Variants in SEL1L observed in about 807,000 individuals in gnomAD.
SEL1L encodes protein sel-1 homolog 1.
Under a neutral mutation model 109.8 loss-of-function variants are expected in SEL1L, and 52 were observed. The observed-to-expected ratio is 0.47, with a 90% CI of 0.38 to 0.60. The LOEUF is 0.60. SEL1L is among the 20% of genes least tolerant of loss of function. SEL1L has a pLI of 0.00. For synonymous variants in SEL1L, 373 were observed against 339.6 expected, an observed-to-expected ratio of 1.10 and a Z score of -1.08; for missense variants, 749 against 962.2, an observed-to-expected ratio of 0.78 and a Z score of 2.93.
chr14:81,484,263 G>T lies in SEL1L; in HGVS notation c.2008C>A (p.Leu670Met). The T allele has an allele frequency of 1.2e-6, 2 of 1,613,922 alleles. No homozygotes were observed. The highest frequency in any genetic ancestry group is 1.7e-6 in the Non-Finnish European group (2 of 1,179,848). Reference protein sequence around the residue: ...QQHSAQAMFNLGYMHEKGLGI... With the variant: ...QQHSAQAMFNMGYMHEKGLGI... ...AGTCCTTTCTCATGCATATATCCCA[G>T]ATTAAACATAGCTTGTGCACTGTGT... Residue 670 changes from leucine (L) to methionine (M), a missense_variant, in exon 19 of 21, where the codon CTG becomes ATG. Transcript: ENST00000336735.
At chr14:81,479,795 T>C in intron 19 of SEL1L, 55 bp from the exon 20 acceptor site, 1 of 1,497,060 alleles carries the variant, frequency 6.7e-7, no homozygotes. Flanking sequence ...AGTAAAAATA[T>C]TTAGTGAACA....
intron 16 of SEL1L, among the ~76,000 whole-genome samples, chr14:81,487,107 A>G (rs950151059): frequency 2.6e-5 from 4 of 151,734 alleles, no homozygotes; most frequent in African/African-American, 7.3e-5. Context: ...CTCAGCTTAT[A>G]TATTTTTTTG....
intron 17 of SEL1L, 44 bp downstream of exon 17, chr14:81,486,245 A>G (rs1363983627): frequency 6.3e-7 from 1 of 1,592,492 alleles, no homozygotes; most frequent in East Asian, 2.2e-5. Flanking sequence ...ACTGGTGTGA[A>G]CTCGTACATT....
intron 7 of SEL1L, 25 bp downstream of exon 7, chr14:81,499,584 T>C (rs376375153): frequency 1.6e-5 from 25 of 1,609,522 alleles, no homozygotes; most frequent in Non-Finnish European, 1.7e-5. Context: ...AATTGTAATA[T>C]GCAATAAAGT....
intron 3 of SEL1L, among the ~76,000 whole-genome samples, chr14:81,507,785 C>T (rs1281238645): frequency 6.6e-6 from 1 of 152,006 alleles, no homozygotes; most frequent in Middle Eastern, 3.2e-3. Context: ...AAACTGTACA[C>T]AGTAGGTATG....
chr14:81,488,593 G>T (rs1883417557), intron 14 of SEL1L, among the ~76,000 whole-genome samples: 1 of 152,064 alleles, frequency 6.6e-6, no homozygotes, highest in Non-Finnish European at 1.5e-5. Context: ...GTGAATCCAG[G>T]GACATCCAAC....
rs1358572541 is a variant in SEL1L at position 81,499,061 on chromosome 14, T to C, written c.891+398A>G. ...ATTCTTAGGGCATTGTTGCAAAATA[T>C]TGTATAATATTTCATGTTGTTTTTC... On this transcript the variant is annotated intron_variant, in intron 8 of 20. Transcript: ENST00000336735. 8 of 871,682 alleles carry C rather than the reference T, an allele frequency of 9.2e-6. No individual in the cohort carries two copies. In the East Asian group the frequency reaches 9.2e-4, roughly 100 times the overall value. The allele number at this position is 871,682 out of a possible 1,614,324, so 54.0% of individuals were successfully genotyped here.
At position 81,481,944 on chromosome 14, in the gene SEL1L, T is replaced by C. The variant is rs551857694; in HGVS notation, c.2047-2204A>G. 7.9e-5 allele frequency among the ~76,000 whole-genome samples: 12 copies of C among 151,756 alleles called. No homozygotes were observed. The South Asian group carries it at 2.5e-3, about 32-fold the overall frequency. ...TACTCGGGAGGCTGAGGCAGGAGAA[T>C]CGCTTGAACCCAGAGGGCGGAGGTT... On this transcript the variant is annotated intron_variant, in intron 19 of 20. Transcript: ENST00000336735.
In SEL1L at chr14:81,490,918, C is replaced by CA. The variant is rs201162094; in HGVS notation, c.1255-454dup. Among the ~76,000 whole-genome samples the CA allele has an allele frequency of 3.8e-3, 573 of 151,724 alleles. 7 individuals carry two copies. The highest frequency in any genetic ancestry group is 0.011 in the African/African-American group (436 of 41,412). On this transcript the variant is annotated intron_variant, in intron 12 of 20. Transcript: ENST00000336735. ...CTCATATCAAAACAAAACAAACAAA[C>CA]AAAAAAAACAAAAGAATTAAAAGCA...
At chr14:81,502,553 G>A (rs1163795795) in intron 6 of SEL1L, among the ~76,000 whole-genome samples, 168 bp downstream of exon 6, 4 of 152,190 alleles carry the variant, frequency 2.6e-5, no homozygotes, top group African/African-American at 9.7e-5. Context: ...AATGTTCCCA[G>A]ACTAAGGAAA....
intron 17 of SEL1L, 73 bp from the exon 18 acceptor site, chr14:81,485,819 T>C (rs1903503964): frequency 8.6e-7 from 1 of 1,166,288 alleles, no homozygotes; most frequent in African/African-American, 1.5e-5. Flanking sequence ...ATTTGCAAAG[T>C]AGGAAGGATA....
Position 81,504,290 on chromosome 14 carries a change from A to G in SEL1L, c.525T>C (p.Ala175=), listed in dbSNP as rs1884139685. 2.5e-6 allele frequency: 4 copies of G among 1,595,414 alleles called. No homozygotes were observed. The highest frequency in any genetic ancestry group is 3.4e-6 in the Non-Finnish European group (4 of 1,171,436). The change falls in exon 5 of 21, where the codon GCT becomes GCC. Residue 175 remains alanine, a synonymous_variant. Transcript: ENST00000336735. ...WGFCETEEEA[A]KRRQMQEAEM... is the part of the protein sequence containing the mutation. The stretch of plus-strand genomic sequence containing the variant: ...CTGCTTCCTGCATCTGCCGTCTCTT[A>G]GCAGCCTCTTCTTCAGCTAAAAACA...
chr14:81,524,811 C>T (rs535140171), intron 3 of SEL1L, among the ~76,000 whole-genome samples: 4 of 152,094 alleles, frequency 2.6e-5, no homozygotes, highest in African/African-American at 7.2e-5. Context: ...GAGGTGGAGG[C>T]TGCAGTAAGC....
intron 8 of SEL1L, chr14:81,499,089 T>C (rs1883896877): frequency 1.1e-5 from 10 of 920,460 alleles, no homozygotes; most frequent in Non-Finnish European, 1.3e-5. Flanking sequence ...TGTTTTTCTA[T>C]AGCCACCATT....
rs768063557 is a variant in SEL1L, at chr14:81,477,077, A to G, written c.2280T>C (p.Ala760=). 1 of 1,614,142 alleles carries G rather than the reference A, an allele frequency of 6.2e-7. No homozygotes were observed. The highest frequency in any genetic ancestry group is 1.1e-5 in the South Asian group (1 of 91,076). The change falls in exon 21 of 21, where the codon GCT becomes GCC. Residue 760 remains alanine, a synonymous_variant. Coordinates refer to ENST00000336735, the MANE Select transcript of SEL1L (RefSeq NM_005065.6). ...IIALLLGTVI[A]YRQRQHQDMP... ...TGTCTTGGTGCTGCCTTTGCCTGTA[A>G]GCTATGACTGTTCCCAACAGCAGCG...
At chr14:81,504,999 AT>A (rs1884179407) in intron 4 of SEL1L, among the ~76,000 whole-genome samples, 1 of 152,196 alleles carries the variant, frequency 6.6e-6, no homozygotes, top group African/African-American at 2.4e-5. Context: ...TCCTTTATTA[AT>A]AAATTTCCCA....
chr14:81,503,201 A>G (rs527543408), intron 5 of SEL1L, among the ~76,000 whole-genome samples: 1 of 152,330 alleles, frequency 6.6e-6, no homozygotes, highest in Non-Finnish European at 1.5e-5. Flanking sequence ...CATGTTGGTC[A>G]GGCTGATCTC....
chr14:81,489,549 T>C (rs1440018784), intron 13 of SEL1L, among the ~76,000 whole-genome samples: 1 of 152,206 alleles, frequency 6.6e-6, no homozygotes, highest in Non-Finnish European at 1.5e-5. Context: ...TCATTTAGAA[T>C]TACATTTTGT....
chr14:81,518,070 C>A (rs1198462315), intron 3 of SEL1L, among the ~76,000 whole-genome samples: 1 of 151,878 alleles, frequency 6.6e-6, no homozygotes. Flanking sequence ...TTTTTATATT[C>A]TTACCAGAGA....
Sources: gnomAD v4.1 joint callset for allele counts (sites outside exome capture counted in the v4.1 genomes callset) on GRCh38, gnomAD v4.1.1 for gene constraint, MANE v1.5 for transcripts, NCBI Gene and HGNC (gene_info 2026-07-23, HGNC 2026-07-21) for gene names.